Variants in GSTCD observed in about 807,000 individuals in gnomAD.
GSTCD encodes glutathione S-transferase C-terminal domain containing, also known as glutathione S-transferase C-terminal domain-containing protein.
A neutral mutation model predicts 68.3 loss-of-function variants in GSTCD; 44 were observed. The ratio of observed to expected loss-of-function variants is 0.64; its 90% CI spans 0.51 to 0.83. The LOEUF is 0.83. Among genes scored for constraint, GSTCD ranks in the 40% least tolerant of loss-of-function variants. GSTCD has a pLI of 0.00. For missense variants in GSTCD, 739 were observed against 735.9 expected, an observed-to-expected ratio of 1.00 and a Z score of -0.05; for synonymous variants, 273 against 255.2, an observed-to-expected ratio of 1.07 and a Z score of -0.67.
intron 5 of GSTCD, among the ~76,000 whole-genome samples, chr4:105,743,580 G>C (rs1162678507): frequency 6.9e-6 from 1 of 145,430 alleles, no homozygotes; most frequent in Non-Finnish European, 1.5e-5. Context: ...TTAATGGACT[G>C]TTTGGGAGTA....
At chr4:105,726,922 T>G (rs1052572866) in intron 4 of GSTCD, 92 bp downstream of exon 4, 3 of 1,062,810 alleles carry the variant, frequency 2.8e-6, no homozygotes, top group Non-Finnish European at 4.1e-6. Context: ...TTGACATTAT[T>G]TTTGTTATAA....
At chr4:105,742,625 T>C (rs761215842) in intron 5 of GSTCD, among the ~76,000 whole-genome samples, 9 of 152,176 alleles carry the variant, frequency 5.9e-5, no homozygotes, top group Non-Finnish European at 1.0e-4. Context: ...AAATGTTAAA[T>C]ATTTGCTCAT....
chr4:105,784,985 T>C (rs1024743738), intron 5 of GSTCD, among the ~76,000 whole-genome samples: 6 of 152,138 alleles, frequency 3.9e-5, no homozygotes, highest in Non-Finnish European at 7.4e-5. Context: ...GGATGTACAG[T>C]GTAATAATAG....
At chr4:105,750,235 G>A (rs188913641) in intron 5 of GSTCD, among the ~76,000 whole-genome samples, 23 of 152,118 alleles carry the variant, frequency 1.5e-4, no homozygotes, top group Admixed American at 9.8e-4. Context: ...AGGCCGAGGC[G>A]GGCGGATGAC....
intron 5 of GSTCD, among the ~76,000 whole-genome samples, chr4:105,756,434 T>C (rs993209659): frequency 2.6e-5 from 4 of 151,096 alleles, no homozygotes; most frequent in African/African-American, 9.8e-5. Flanking sequence ...CCTATCACCT[T>C]GAAAATCCCA....
intron 5 of GSTCD, chr4:105,761,853 C>T (rs1379700984): frequency 1.3e-5 from 2 of 152,144 alleles, no homozygotes; most frequent in Non-Finnish European, 2.9e-5. Context: ...GCTTGTCATC[C>T]TCAATAAAAT....
At chr4:105,839,710 A>C (rs1045640882) in intron 10 of GSTCD, among the ~76,000 whole-genome samples, 2 of 152,178 alleles carry the variant, frequency 1.3e-5, no homozygotes, top group Admixed American at 6.5e-5. Flanking sequence ...GAAAGAAAAG[A>C]AAAAAGAACT....
intron 5 of GSTCD, among the ~76,000 whole-genome samples, chr4:105,805,029 C>T (rs1190794614): frequency 6.6e-6 from 1 of 151,930 alleles, no homozygotes; most frequent in African/African-American, 2.4e-5. Context: ...CTTCATATTA[C>T]AGCTATTATA....
intron 5 of GSTCD, 125 bp from the exon 6 acceptor site, chr4:105,822,829 A>G: frequency 3.3e-6 from 2 of 607,610 alleles, no homozygotes; most frequent in Non-Finnish European, 5.9e-6. Context: ...TTTTATATGT[A>G]TGTATGTATG....
chr4:105,771,828 G>A (rs538897067), intron 5 of GSTCD, among the ~76,000 whole-genome samples: 2 of 152,220 alleles, frequency 1.3e-5, no homozygotes, highest in South Asian at 2.1e-4. Context: ...TGTTCGTTTT[G>A]CTTAGGATTG....
chr4:105,792,101 C>T (rs1560831158), intron 5 of GSTCD, among the ~76,000 whole-genome samples: 1 of 152,082 alleles, frequency 6.6e-6, no homozygotes, highest in Non-Finnish European at 1.5e-5. Flanking sequence ...CACTGCTCTT[C>T]ATGTTCTGTT....
chr4:105,717,724 G>A lies in GSTCD; in HGVS notation c.111G>A (p.Leu37=). Residue 37 remains leucine, a synonymous_variant, in exon 2 of 12, where the codon CTG becomes CTA. Transcript: ENST00000515279. The part of the protein sequence containing the change: ...FPLHTSVTLF[L]LSYCDCKIFK... The stretch of plus-strand genomic sequence containing the variant: ...TTCATACATCTGTAACTTTATTTCT[G>A]TTATCTTACTGTGACTGTAAAATCT... 3 of 1,613,662 alleles carry A rather than the reference G, an allele frequency of 1.9e-6. No individual in the cohort carries two copies. The highest frequency in any genetic ancestry group is 2.2e-5 in the South Asian group (2 of 91,070).
chr4:105,726,805 C>T lies in GSTCD; in HGVS notation c.1121C>T (p.Pro374Leu). ...AGCGATCCTTTATTTATAGGAGGAC[C>T]AAGACCAACCATGGCCAAGTTAATG... The part of the protein sequence containing the change: ...EQSDPLFIGG[P>L]RPTMAKLMEK... The change falls in exon 4 of 12, where the codon CCA becomes CTA. Residue 374 changes from proline (P) to leucine (L), a missense_variant. By Grantham distance (98) the Pro-to-Leu change is moderately conservative. Coordinates refer to ENST00000515279, the MANE Select transcript of GSTCD (RefSeq NM_001370181.1). 2 of 1,610,936 alleles carry T rather than the reference C, an allele frequency of 1.2e-6. No individual in the cohort carries two copies. Among genetic ancestry groups the T allele is most frequent in the Non-Finnish European group, 1.7e-6 (2 of 1,178,596 alleles).
At chr4:105,796,199 C>G (rs992504028) in intron 5 of GSTCD, among the ~76,000 whole-genome samples, 1 of 152,084 alleles carries the variant, frequency 6.6e-6, no homozygotes, top group Non-Finnish European at 1.5e-5. Flanking sequence ...TAGCAGCAGG[C>G]AAAGAGAGAG....
chr4:105,749,677 G>C (rs1437352609), intron 5 of GSTCD, among the ~76,000 whole-genome samples: 2 of 150,428 alleles, frequency 1.3e-5, no homozygotes. Flanking sequence ...ATAGATCATG[G>C]AATTAAATAT....
intron 8 of GSTCD, among the ~76,000 whole-genome samples, chr4:105,827,950 A>T (rs561149754): frequency 6.6e-6 from 1 of 152,094 alleles, no homozygotes; most frequent in Non-Finnish European, 1.5e-5. Flanking sequence ...CAATATTACA[A>T]ATATTTATTT....
chr4:105,713,003 G>A (rs1732583272), intron 1 of GSTCD, among the ~76,000 whole-genome samples: 1 of 152,058 alleles, frequency 6.6e-6, no homozygotes, highest in South Asian at 2.1e-4. Flanking sequence ...GTCATATTGT[G>A]AGTTGTGCCC....
At chr4:105,747,245 A>C (rs1409605561) in intron 5 of GSTCD, among the ~76,000 whole-genome samples, 2 of 152,198 alleles carry the variant, frequency 1.3e-5, no homozygotes, top group Non-Finnish European at 2.9e-5. Context: ...CAAAACACAA[A>C]AGCTTTTTCT....
chr4:105,740,970 T>C (rs570534734), intron 5 of GSTCD, among the ~76,000 whole-genome samples: 2 of 152,122 alleles, frequency 1.3e-5, no homozygotes, highest in African/African-American at 4.8e-5. Context: ...CGCCTAGACA[T>C]GTAAAGGATG....
Sources: allele counts gnomAD v4.1 joint callset (sites outside exome capture counted in the v4.1 genomes callset), GRCh38; gene constraint gnomAD v4.1.1; transcripts MANE v1.5; gene names NCBI Gene and HGNC (gene_info 2026-07-23, HGNC 2026-07-21).